The following DEPDC1B variants were observed in gnomAD, a reference collection of about 807,000 sequenced individuals.
DEPDC1B encodes DEP domain containing 1B, also known as DEP domain-containing protein 1B.
In DEPDC1B, 51 loss-of-function variants were observed where a neutral mutation model predicts 66.5. That is an observed-to-expected ratio of 0.77 (90% CI 0.61 to 0.97). The LOEUF (loss-of-function observed/expected upper bound fraction) is 0.97, where lower values mean the gene tolerates loss of function less well. Ranked by LOEUF, DEPDC1B falls within the 50% of genes least tolerant of loss-of-function variation. The probability of loss-of-function intolerance (pLI) is 0.00; values close to 1 mark genes in which losing one functional copy is unlikely to be tolerated. For missense variants in DEPDC1B, 552 were observed against 637.1 expected (o/e 0.87, Z 1.44); for synonymous variants, 226 against 223.6 (o/e 1.01, Z -0.10).
intron 7 of DEPDC1B, among the ~76,000 whole-genome samples, chr5:60,636,894 G>A (rs1753055891): frequency 6.6e-6 from 1 of 152,060 alleles, no homozygotes; most frequent in Non-Finnish European, 1.5e-5. Flanking sequence ...ATATATTAGA[G>A]GGCAGCTGAC....
At chr5:60,697,273 G>A (rs1346140413) in intron 1 of DEPDC1B, among the ~76,000 whole-genome samples, 1 of 151,948 alleles carries the variant, frequency 6.6e-6, no homozygotes, top group Non-Finnish European at 1.5e-5. Flanking sequence ...AGACTTTGGT[G>A]CTTTAGAAAA....
intron 2 of DEPDC1B, among the ~76,000 whole-genome samples, chr5:60,660,713 A>T (rs1753694835): frequency 6.6e-6 from 1 of 152,226 alleles, no homozygotes; most frequent in Admixed American, 6.5e-5. Flanking sequence ...TAACTCAAAA[A>T]TCTTAAAGTA....
intron 7 of DEPDC1B, among the ~76,000 whole-genome samples, chr5:60,615,418 G>A (rs561679880): frequency 6.6e-5 from 10 of 152,286 alleles, no homozygotes; most frequent in South Asian, 4.2e-4. Flanking sequence ...GGTGACAGAC[G>A]GCACCTGGAA....
At chr5:60,674,312 CAA>C (rs1248158538) in intron 2 of DEPDC1B, among the ~76,000 whole-genome samples, 2 of 152,080 alleles carry the variant, frequency 1.3e-5, no homozygotes, top group Non-Finnish European at 2.9e-5. Context: ...CATTATAAAA[CAA>C]AAGTCTATCA....
chr5:60,598,169 T>G (rs1200224119), intron 10 of DEPDC1B, among the ~76,000 whole-genome samples: 2 of 152,188 alleles, frequency 1.3e-5, no homozygotes, highest in African/African-American at 4.8e-5. Flanking sequence ...TTTTATATAT[T>G]CACAAGTAAC....
intron 2 of DEPDC1B, among the ~76,000 whole-genome samples, chr5:60,674,281 A>C (rs1165639859): frequency 6.6e-6 from 1 of 152,200 alleles, no homozygotes; most frequent in African/African-American, 2.4e-5. Context: ...TGAGTTAATC[A>C]CCAAAAAGCC....
intron 1 of DEPDC1B, among the ~76,000 whole-genome samples, chr5:60,689,276 A>C (rs560988680): frequency 6.6e-6 from 1 of 152,380 alleles, no homozygotes; most frequent in East Asian, 1.9e-4. Flanking sequence ...AAATAACTTC[A>C]TGACAATTCA....
At chr5:60,681,940 A>G (rs1754305219) in intron 2 of DEPDC1B, among the ~76,000 whole-genome samples, 1 of 152,076 alleles carries the variant, frequency 6.6e-6, no homozygotes, top group African/African-American at 2.4e-5. Context: ...AAAGATAGTT[A>G]TAATTAAAAA....
intron 2 of DEPDC1B, among the ~76,000 whole-genome samples, chr5:60,675,903 C>CTTTTTTTTTTTTTG (rs1754145086): frequency 7.2e-6 from 1 of 138,968 alleles, no homozygotes; most frequent in African/African-American, 2.6e-5. Flanking sequence ...TTTCTTTTTT[C>CTTTTTTTTTTTTTG]TTTTTTTTTT....
chr5:60,606,286 C>T (rs1170229431), intron 7 of DEPDC1B, among the ~76,000 whole-genome samples: 1 of 152,168 alleles, frequency 6.6e-6, no homozygotes, highest in Non-Finnish European at 1.5e-5. Flanking sequence ...CACCACCTTG[C>T]ATGACTCTCA....
chr5:60,644,859 C>G lies in DEPDC1B; in HGVS notation c.595G>C (p.Gly199Arg). 1 of 1,602,118 alleles carries G rather than the reference C, an allele frequency of 6.2e-7. No homozygotes were observed. Among genetic ancestry groups the G allele is most frequent in the Non-Finnish European group, 8.5e-7 (1 of 1,174,530 alleles). The part of the protein sequence containing the change: ...MTLSYLQKIL[G>R]LDSLEEVLDV... Reference sequence around the variant, plus strand: ...AAAACTTCTTCTAAGGAATCCAGGCCAAGAATTTTCTGTAAGCTAAAAGAT... The same window carrying G: ...AAAACTTCTTCTAAGGAATCCAGGCGAAGAATTTTCTGTAAGCTAAAAGAT... The change falls in exon 5 of 11, where the codon GGC (glycine) becomes CGC (arginine). Residue 199 changes from glycine to arginine, a missense_variant. Coordinates refer to ENST00000265036, the MANE Select transcript of DEPDC1B (RefSeq NM_018369.3).
At position 60,687,051 on chromosome 5, in the gene DEPDC1B, C is replaced by T; in HGVS notation, c.225G>A (p.Leu75=). The T allele has an allele frequency of 6.2e-7, 1 of 1,614,212 alleles. No homozygotes were observed. Among genetic ancestry groups the T allele is most frequent in the East Asian group, 2.2e-5 (1 of 44,894 alleles). Residue 75 remains leucine (L), a synonymous_variant, in exon 2 of 11, where the codon CTG becomes CTA. Transcript: ENST00000265036. ...PEVTRKQTVQ[L]LKKFLKNHVI... ...CGTGATTCTTCAGGAATTTTTTTAG[C>T]AGCTGGACCGTTTGTTTGCGGGTCA...
chr5:60,675,285 G>A (rs1754129089), intron 2 of DEPDC1B, among the ~76,000 whole-genome samples: 1 of 151,262 alleles, frequency 6.6e-6, no homozygotes, highest in African/African-American at 2.5e-5. Flanking sequence ...ATGCCTGGCA[G>A]CAACCAAGTT....
At chr5:60,672,171 T>C (rs1039230430) in intron 2 of DEPDC1B, among the ~76,000 whole-genome samples, 1 of 152,240 alleles carries the variant, frequency 6.6e-6, no homozygotes, top group Non-Finnish European at 1.5e-5. Context: ...GCTTGTTGTA[T>C]AGCCTTCACC....
intron 9 of DEPDC1B, 36 bp downstream of exon 9, chr5:60,603,355 C>A (rs747561732): frequency 6.8e-7 from 1 of 1,463,034 alleles, no homozygotes; most frequent in Non-Finnish European, 9.0e-7. Flanking sequence ...CTTTATATTG[C>A]CAATTTCATA....
intron 2 of DEPDC1B, among the ~76,000 whole-genome samples, chr5:60,674,143 G>C (rs1420740707): frequency 6.6e-6 from 1 of 151,934 alleles, no homozygotes; most frequent in Non-Finnish European, 1.5e-5. Flanking sequence ...AAAATTTCAA[G>C]GCCAGTTGGT....
At chr5:60,626,603 T>C (rs534725075) in intron 7 of DEPDC1B, among the ~76,000 whole-genome samples, 1 of 152,102 alleles carries the variant, frequency 6.6e-6, no homozygotes, top group South Asian at 2.1e-4. Context: ...AGAAATACAT[T>C]TTACACTGCA....
chr5:60,676,262 TCTCA>T (rs1033257430), intron 2 of DEPDC1B, among the ~76,000 whole-genome samples: 7 of 150,222 alleles, frequency 4.7e-5, no homozygotes, highest in Non-Finnish European at 7.4e-5. Context: ...AGAGACAGGG[TCTCA>T]CTATGTTCCC....
rs1455857033 is a variant in DEPDC1B at position 60,682,834 on chromosome 5, A to G, written c.314+4128T>C. On this transcript the variant is annotated intron_variant, in intron 2 of 10. Coordinates refer to ENST00000265036, the MANE Select transcript of DEPDC1B (RefSeq NM_018369.3). ...ACAAAGAAAAGTCCAGGACTGGACA[A>G]CTTTACTAATGAATTCTACCACACC... is the stretch of plus-strand genomic sequence containing the variant. Among the ~76,000 whole-genome samples the G allele has an allele frequency of 2.6e-5, 4 of 152,306 alleles. No homozygotes were observed. The East Asian group carries it at 7.7e-4, about 29-fold the overall frequency.
Sources: gnomAD v4.1 joint callset for allele counts (sites outside exome capture counted in the v4.1 genomes callset) on GRCh38, gnomAD v4.1.1 for gene constraint, MANE v1.5 for transcripts, NCBI Gene and HGNC (gene_info 2026-07-23, HGNC 2026-07-21) for gene names.